The following FAT3 variants were observed in gnomAD, a reference collection of about 807,000 sequenced individuals.
FAT3 encodes FAT atypical cadherin 3.
Under a neutral mutation model 310.2 loss-of-function variants are expected in FAT3, and 95 were observed. The observed-to-expected ratio is 0.31, with a 90% confidence interval of 0.26 to 0.36. FAT3 has a LOEUF of 0.36. FAT3 is among the 10% of genes least tolerant of loss of function. The pLI, the probability that FAT3 is intolerant of heterozygous loss-of-function variation, is 1.00. For synonymous variants in FAT3, 2,314 were observed against 2,192.9 expected (o/e 1.06, Z -1.54); for missense variants, 5,408 against 5,715.6 (o/e 0.95, Z 1.74).
chr11:92,490,564 GT>G (rs568693729), intron 2 of FAT3, among the ~76,000 whole-genome samples: 365 of 152,028 alleles, frequency 2.4e-3, no homozygotes, highest in Non-Finnish European at 4.0e-3. Context: ...TTGTCTGCTT[GT>G]TTTTTGCTGT....
intron 3 of FAT3, among the ~76,000 whole-genome samples, chr11:92,653,053 A>G (rs909989240): frequency 3.3e-5 from 5 of 152,176 alleles, no homozygotes; most frequent in Admixed American, 1.3e-4. Context: ...CAGCTACTTG[A>G]TAGCCTGAGG....
intron 18 of FAT3, among the ~76,000 whole-genome samples, chr11:92,842,008 C>G (rs1328027447): frequency 6.6e-6 from 1 of 152,198 alleles, no homozygotes; most frequent in Non-Finnish European, 1.5e-5. Context: ...AGACCAAATC[C>G]TGCCCTCAGC....
intron 1 of FAT3, among the ~76,000 whole-genome samples, chr11:92,288,281 G>T (rs902828785): frequency 6.6e-6 from 1 of 152,146 alleles, no homozygotes; most frequent in Non-Finnish European, 1.5e-5. Context: ...GGTTGGCAGG[G>T]TCTCAAGGGC....
At chr11:92,738,050 A>C (rs1214779124) in intron 4 of FAT3, among the ~76,000 whole-genome samples, 2 of 152,140 alleles carry the variant, frequency 1.3e-5, no homozygotes, top group Non-Finnish European at 2.9e-5. Flanking sequence ...ACATTTCAAA[A>C]GGTTGTGTAA....
At chr11:92,268,072 A>G (rs961862410) in intron 1 of FAT3, among the ~76,000 whole-genome samples, 11 of 151,386 alleles carry the variant, frequency 7.3e-5, no homozygotes, top group African/African-American at 2.7e-4. Flanking sequence ...AAAAAAACCT[A>G]ATCAGTTCAG....
chr11:92,499,713 A>ATGTGTGTG (rs1236694038), intron 2 of FAT3, among the ~76,000 whole-genome samples: 129 of 119,386 alleles, frequency 1.1e-3, no homozygotes, highest in African/African-American at 4.2e-3. Context: ...GTGTGTGTGT[A>ATGTGTGTG]TGTGTGTGTA....
At chr11:92,553,679 TCCTTCCTTCCTTC>T (rs1954900399) in intron 3 of FAT3, among the ~76,000 whole-genome samples, 1 of 32,232 alleles carries the variant, frequency 3.1e-5, no homozygotes. Flanking sequence ...CTCCGTCCCT[TCCTTCCTTCCTTC>T]CTTCCTTCCT....
chr11:92,469,276 T>C (rs1951849547), intron 2 of FAT3, among the ~76,000 whole-genome samples: 1 of 152,194 alleles, frequency 6.6e-6, no homozygotes, highest in Non-Finnish European at 1.5e-5. Flanking sequence ...ATAACTGTTA[T>C]AAAAATGAGA....
intron 14 of FAT3, 141 bp downstream of exon 14, chr11:92,832,152 G>T: frequency 1.0e-6 from 1 of 970,000 alleles, no homozygotes; most frequent in Non-Finnish European, 1.5e-6. Context: ...ACAACAGAGT[G>T]AGACCCTGTC....
At chr11:92,850,283 G>C (rs748246204) in intron 19 of FAT3, among the ~76,000 whole-genome samples, 7 of 152,124 alleles carry the variant, frequency 4.6e-5, no homozygotes, top group Non-Finnish European at 1.0e-4. Context: ...CTCATCTCCA[G>C]TACGCATGAG....
At chr11:92,462,804 A>G (rs1489994464) in intron 2 of FAT3, among the ~76,000 whole-genome samples, 4 of 152,190 alleles carry the variant, frequency 2.6e-5, no homozygotes, top group Non-Finnish European at 5.9e-5. Context: ...AATTCCTACA[A>G]TATATAAGAG....
chr11:92,259,901 A>G (rs1440854069), intron 1 of FAT3, among the ~76,000 whole-genome samples: 1 of 152,086 alleles, frequency 6.6e-6, no homozygotes, highest in African/African-American at 2.4e-5. Context: ...CCTAGATGGG[A>G]TGGAAAGCAG....
intron 2 of FAT3, among the ~76,000 whole-genome samples, chr11:92,505,601 G>T (rs1953076306): frequency 6.6e-6 from 1 of 152,120 alleles, no homozygotes; most frequent in Non-Finnish European, 1.5e-5. Context: ...TCTTATATGG[G>T]ATTCCTACTA....
intron 1 of FAT3, among the ~76,000 whole-genome samples, chr11:92,274,874 A>G (rs1474429144): frequency 1.3e-5 from 2 of 152,118 alleles, no homozygotes; most frequent in Non-Finnish European, 2.9e-5. Flanking sequence ...ACAGATGTTT[A>G]CATAAAGAGC....
At chr11:92,472,608 G>A (rs1951937297) in intron 2 of FAT3, among the ~76,000 whole-genome samples, 1 of 152,158 alleles carries the variant, frequency 6.6e-6, no homozygotes, top group Non-Finnish European at 1.5e-5. Context: ...GTTTTTGACT[G>A]TCTTGTGTAT....
intron 2 of FAT3, among the ~76,000 whole-genome samples, chr11:92,520,308 G>T (rs1418957186): frequency 6.6e-6 from 1 of 152,102 alleles, no homozygotes. Context: ...ATGACAGAAA[G>T]GTAATCTGTG....
rs2136415825 is a variant in FAT3, at chr11:92,883,218, C to T, written c.12762C>T (p.Asp4254=). Residue 4254 remains aspartate, a synonymous_variant, in exon 24 of 28, where the codon GAC becomes GAT. Transcript: ENST00000525166. The surrounding 1 kb of genome is among the most constrained non-coding windows in gnomAD (Gnocchi z 4.2). The part of the protein sequence containing the change: ...DSRSNLDKIV[D]GLGGEHQEMT... ...GGAGCAACCTGGATAAGATCGTGGA[C>T]GGGCTGGGAGGCGAGCACCAGGAAA... 6.2e-7 allele frequency: 1 copy of T among 1,613,176 alleles called. No homozygotes were observed. Among genetic ancestry groups the T allele is most frequent in the South Asian group, 1.1e-5 (1 of 91,084 alleles).
At chr11:92,289,008 C>T in intron 1 of FAT3, among the ~76,000 whole-genome samples, 1 of 152,120 alleles carries the variant, frequency 6.6e-6, no homozygotes, top group Non-Finnish European at 1.5e-5. Context: ...ATAATCTCCC[C>T]TGAGCTTCAG....
chr11:92,837,336 A>G (rs1948432467), intron 16 of FAT3, among the ~76,000 whole-genome samples: 1 of 152,206 alleles, frequency 6.6e-6, no homozygotes, highest in South Asian at 2.1e-4. Context: ...CTGGGTACTA[A>G]CCAGGGTGGT....
Sources: allele counts gnomAD v4.1 joint callset (sites outside exome capture counted in the v4.1 genomes callset), GRCh38; gene constraint gnomAD v4.1.1; non-coding constraint Gnocchi (gnomAD v3.1); transcripts MANE v1.5; gene names NCBI Gene and HGNC (gene_info 2026-07-23, HGNC 2026-07-21).